Variants in KIAA1549 observed in about 807,000 individuals in gnomAD.
KIAA1549 encodes KIAA1549.
Under a neutral mutation model 156.4 loss-of-function variants are expected in KIAA1549, and 70 were observed. The observed-to-expected ratio is 0.45, with a 90% CI of 0.37 to 0.55. The LOEUF (loss-of-function observed/expected upper bound fraction) is 0.55. Among genes scored for constraint, KIAA1549 ranks in the 20% least tolerant of loss-of-function variants. KIAA1549 has a pLI of 0.00. For synonymous variants in KIAA1549, 1,103 were observed against 1,066.4 expected (o/e 1.03, Z -0.67); for missense variants, 2,428 against 2,540.9 (o/e 0.96, Z 0.96).
At chr7:138,958,209 G>T (rs1364463347) in intron 1 of KIAA1549, among the ~76,000 whole-genome samples, 1 of 151,874 alleles carries the variant, frequency 6.6e-6, no homozygotes, top group African/African-American at 2.4e-5. Context: ...GGCCATCTGC[G>T]GGTTCAGCCT....
chr7:138,876,976 G>T lies in KIAA1549; in HGVS notation c.4345+2562C>A, dbSNP rs531487437. Among the ~76,000 whole-genome samples, 14 of 152,220 alleles carry T rather than the reference G, an allele frequency of 9.2e-5. No homozygotes were observed. The South Asian group carries it at 2.9e-3, about 32-fold the overall frequency. ...TCTCTCAGCTTCCATTGCAAGGTGGGTCCTTAATATGCCACATGACCTGGG... is the reference window on the plus strand; with the variant it reads ...TCTCTCAGCTTCCATTGCAAGGTGGTTCCTTAATATGCCACATGACCTGGG... On this transcript the variant is annotated intron_variant, in intron 12 of 19. Coordinates refer to ENST00000422774, the MANE Select transcript of KIAA1549 (RefSeq NM_001164665.2).
intron 10 of KIAA1549, 43 bp downstream of exon 10, chr7:138,894,298 CA>C: frequency 6.3e-7 from 1 of 1,599,824 alleles, no homozygotes; most frequent in Admixed American, 1.7e-5. Context: ...CCCTGCCCCA[CA>C]AAACTGCTTA....
chr7:138,966,138 T>C (rs1208281975), intron 1 of KIAA1549, among the ~76,000 whole-genome samples: 1 of 152,194 alleles, frequency 6.6e-6, no homozygotes, highest in Non-Finnish European at 1.5e-5. Flanking sequence ...AATTCACATG[T>C]TGAAGTCCTA....
chr7:138,924,767 G>A (rs1218999443), intron 1 of KIAA1549, among the ~76,000 whole-genome samples: 1 of 152,116 alleles, frequency 6.6e-6, no homozygotes, highest in Non-Finnish European at 1.5e-5. Context: ...AAACCCAGGC[G>A]AGTCTCTCTC....
chr7:138,964,011 G>GT (rs1010234898), intron 1 of KIAA1549, among the ~76,000 whole-genome samples: 52 of 152,174 alleles, frequency 3.4e-4, no homozygotes, highest in African/African-American at 8.4e-4. Flanking sequence ...AACTTTTTGA[G>GT]TTTTTTTATT....
intron 1 of KIAA1549, among the ~76,000 whole-genome samples, chr7:138,953,322 T>C (rs914045524): frequency 1.3e-5 from 2 of 152,102 alleles, no homozygotes; most frequent in African/African-American, 2.4e-5. Flanking sequence ...GGCCACTGCA[T>C]TTCGGCCTAG....
rs1011344183 is a variant in KIAA1549, at chr7:138,832,453, C to T, written c.*5453G>A. 3 of 193,306 alleles carry T rather than the reference C, an allele frequency of 1.6e-5. No homozygotes were observed. The highest frequency in any genetic ancestry group is 3.2e-5 in the Non-Finnish European group (3 of 92,612). The allele number at this position is 193,306 out of a possible 1,614,324, so 12.0% of individuals were successfully genotyped here. A position where few individuals can be genotyped will look rare whatever the true frequency, so the allele number is the denominator to read the frequency against. ...GCCTCAAGCGATCCTCCTGCCTCAGCCTCCCAAAGCGTTGAGATTAGAGGC... is the reference window on the plus strand; with the variant it reads ...GCCTCAAGCGATCCTCCTGCCTCAGTCTCCCAAAGCGTTGAGATTAGAGGC... On this transcript the variant is annotated 3_prime_UTR_variant, in exon 20 of 20. Transcript: ENST00000422774.
At chr7:138,868,887 G>C (rs917335156) in intron 14 of KIAA1549, among the ~76,000 whole-genome samples, 3 of 152,214 alleles carry the variant, frequency 2.0e-5, no homozygotes, top group Admixed American at 6.5e-5. Context: ...CCGTGAAAAA[G>C]AGCTGGAGTG....
rs543330032 is a variant in KIAA1549 at position 138,868,256 on chromosome 7, C to A, written c.4776-128G>T. On this transcript the variant is annotated intron_variant, in intron 14 of 19. Coordinates refer to ENST00000422774, the MANE Select transcript of KIAA1549 (RefSeq NM_001164665.2). ...CTGGAAACACCCCATAGGATATAAA[C>A]GCCATGTACGAGACAGTCTCTGCTC... is the stretch of plus-strand genomic sequence containing the variant. 9.4e-6 allele frequency: 8 copies of A among 849,482 alleles called. No individual in the cohort carries two copies. The African/African-American group carries it at 1.3e-4, about 14-fold the overall frequency. The allele number at this position is 849,482 out of a possible 1,614,324, so 52.6% of individuals were successfully genotyped here. A position where few individuals can be genotyped will look rare whatever the true frequency, so the allele number is the denominator to read the frequency against.
chr7:138,898,895 C>A, intron 9 of KIAA1549, 60 bp downstream of exon 9: 1 of 1,483,722 alleles, frequency 6.7e-7, no homozygotes, highest in Admixed American at 1.7e-5. Flanking sequence ...ACTGTCAGAA[C>A]GAGCCTGGCT....
intron 16 of KIAA1549, among the ~76,000 whole-genome samples, chr7:138,855,685 C>T (rs891844512): frequency 3.9e-5 from 6 of 152,260 alleles, no homozygotes; most frequent in South Asian, 2.1e-4. Context: ...CAATGAAACT[C>T]GAGAACATTA....
At chr7:138,839,272 A>T (rs1563043692) in intron 19 of KIAA1549, among the ~76,000 whole-genome samples, 1 of 152,200 alleles carries the variant, frequency 6.6e-6, no homozygotes, top group Admixed American at 6.5e-5. Flanking sequence ...TAAGGAGAAA[A>T]CAAAAAGTAA....
At chr7:138,929,497 G>C (rs115655111) in intron 1 of KIAA1549, among the ~76,000 whole-genome samples, 17 of 152,038 alleles carry the variant, frequency 1.1e-4, no homozygotes, top group Non-Finnish European at 1.8e-4. Context: ...ATGAGGTTTC[G>C]CATCAACTTC....
intron 18 of KIAA1549, 89 bp from the exon 19 acceptor site, chr7:138,840,367 C>A: frequency 8.7e-7 from 1 of 1,147,058 alleles, no homozygotes; most frequent in South Asian, 1.5e-5. Context: ...ACTGTCAACT[C>A]TGACCACTAC....
Position 138,894,390 on chromosome 7 carries a change from C to T in KIAA1549, c.3984G>A (p.Lys1328=). The T allele has an allele frequency of 6.2e-7, 1 of 1,614,002 alleles. No individual in the cohort carries two copies. The highest frequency in any genetic ancestry group is 2.2e-5 in the East Asian group (1 of 44,892). ...ILYWKLCRTD[K]LDFQPDTVAN... ...CCACAGTGTCAGGCTGAAAGTCTAG[C>T]TTGTCTGTGCGGCATAGTTTCCAGT... The change falls in exon 10 of 20, where the codon AAG becomes AAA. Residue 1328 remains lysine (K), a synonymous_variant. Coordinates refer to ENST00000422774, the MANE Select transcript of KIAA1549 (RefSeq NM_001164665.2).
intron 15 of KIAA1549, among the ~76,000 whole-genome samples, chr7:138,865,800 G>C (rs1429552683): frequency 6.6e-6 from 1 of 152,148 alleles, no homozygotes; most frequent in Non-Finnish European, 1.5e-5. Context: ...GGAGAAGACA[G>C]GTTCCTCCCC....
chr7:138,953,665 T>C (rs1296244767), intron 1 of KIAA1549, among the ~76,000 whole-genome samples: 1 of 152,180 alleles, frequency 6.6e-6, no homozygotes, highest in East Asian at 1.9e-4. Context: ...TGATCCATAT[T>C]CCCAAGCAGA....
In KIAA1549 at chr7:138,917,852, A is replaced by G. The variant is rs1339775333; in HGVS notation, c.1774T>C (p.Tyr592His). Residue 592 changes from tyrosine (Y) to histidine (H), a missense_variant, in exon 2 of 20, where the codon TAT becomes CAT. By Grantham distance (83) the Tyr-to-His change is moderately conservative. Transcript: ENST00000422774. Reference protein sequence around the residue: ...AVRDPSVFTPYSLVPSVESSL... With the variant: ...AVRDPSVFTPHSLVPSVESSL... ...GACTCCACTGAAGGAACCAGACTAT[A>G]AGGCGTAAAAACACTCGGGTCTCTG... 2.5e-6 allele frequency: 4 copies of G among 1,603,858 alleles called. No individual in the cohort carries two copies. In the East Asian group the frequency reaches 6.7e-5, roughly 27 times the overall value.
chr7:138,906,915 T>TG lies in KIAA1549; in HGVS notation c.3460+3_3460+4insC. 1 of 1,584,810 alleles carries TG rather than the reference T, an allele frequency of 6.3e-7. No homozygotes were observed. The highest frequency in any genetic ancestry group is 8.6e-7 in the Non-Finnish European group (1 of 1,167,722). ...CCCAGCATGTCCAAGAGGGCTGTACTCACGCTCTGCGATCTGCAGCACTGG... is the reference window on the plus strand; with the variant it reads ...CCCAGCATGTCCAAGAGGGCTGTACTGCACGCTCTGCGATCTGCAGCACTGG... On this transcript the variant is annotated splice_donor_region_variant and intron_variant, in intron 6 of 19. Transcript: ENST00000422774.
Sources: gnomAD v4.1 joint callset for allele counts (sites outside exome capture counted in the v4.1 genomes callset) on GRCh38, gnomAD v4.1.1 for gene constraint, MANE v1.5 for transcripts, NCBI Gene and HGNC (gene_info 2026-07-23, HGNC 2026-07-21) for gene names.